ANKRD44: variants seen among roughly 807,000 people sequenced by gnomAD.
ANKRD44 encodes the protein serine/threonine-protein phosphatase 6 regulatory ankyrin repeat subunit B.
In ANKRD44, 35 loss-of-function variants were observed where a neutral mutation model predicts 116.0. The observed-to-expected ratio is 0.30, with a 90% CI of 0.23 to 0.40. The LOEUF is 0.40. Ranked by LOEUF, ANKRD44 falls within the 10% of genes least tolerant of loss-of-function variation. The probability of loss-of-function intolerance (pLI) is 1.00; values close to 1 mark genes in which losing one functional copy is unlikely to be tolerated. For synonymous variants in ANKRD44, 435 were observed against 461.8 expected (o/e 0.94, Z 0.74); for missense variants, 1,014 against 1,242.6 (o/e 0.82, Z 2.77).
intron 1 of ANKRD44, among the ~76,000 whole-genome samples, chr2:197,222,824 T>A (rs4850773): frequency 0.4 from 52,707 of 132,252 alleles, 11,271 homozygotes; most frequent in East Asian, 0.62. Context: ...TTATTTATTT[T>A]TTTTTTGAGA....
At chr2:197,178,723 C>T (rs961968282) in intron 2 of ANKRD44, among the ~76,000 whole-genome samples, 7 of 152,126 alleles carry the variant, frequency 4.6e-5, no homozygotes, top group Non-Finnish European at 8.8e-5. Flanking sequence ...AAAGTCCTTC[C>T]CCATACCAAG....
At chr2:197,268,173 G>A (rs1394668333) in intron 1 of ANKRD44, among the ~76,000 whole-genome samples, 1 of 152,238 alleles carries the variant, frequency 6.6e-6, no homozygotes, top group Non-Finnish European at 1.5e-5. Flanking sequence ...GGATACCCCA[G>A]AAGCTGTGGA....
chr2:197,170,190 C>CAAAAAAAAAAAAAAAAAAAAAAAAAAA (rs71012960), intron 2 of ANKRD44, among the ~76,000 whole-genome samples: 2 of 119,752 alleles, frequency 1.7e-5, no homozygotes, highest in Non-Finnish European at 3.4e-5. Context: ...ACCCTGTTTC[C>CAAAAAAAAAAAAAAAAAAAAAAAAAAA]AAAAAAAAAA....
chr2:197,041,058 T>C (rs1559013534), intron 16 of ANKRD44, among the ~76,000 whole-genome samples: 1 of 152,212 alleles, frequency 6.6e-6, no homozygotes, highest in African/African-American at 2.4e-5. Flanking sequence ...GAAATGCCTA[T>C]AAAAGTCTCC....
chr2:197,056,942 T>C lies in ANKRD44; in HGVS notation c.1650+21761A>G, dbSNP rs1342571204. Among the ~76,000 whole-genome samples the C allele has an allele frequency of 2.6e-5, 4 of 152,200 alleles. No individual in the cohort carries two copies. The South Asian group carries it at 8.3e-4, about 31-fold the overall frequency. On this transcript the variant is annotated intron_variant, in intron 16 of 27. Coordinates refer to ENST00000282272, the MANE Select transcript of ANKRD44 (RefSeq NM_001195144.2). ...CCATGTAAGGTAACATATTCACAGG[T>C]TCTAGAGTGTGGACATTATTGGCGG...
At chr2:197,200,697 G>A (rs1039927556) in intron 1 of ANKRD44, among the ~76,000 whole-genome samples, 2 of 152,092 alleles carry the variant, frequency 1.3e-5, no homozygotes, top group Non-Finnish European at 1.5e-5. Context: ...AACAACAGTA[G>A]TCATTTAAGC....
chr2:197,080,525 C>T (rs910644833), intron 15 of ANKRD44, among the ~76,000 whole-genome samples: 2 of 152,226 alleles, frequency 1.3e-5, no homozygotes, highest in Admixed American at 1.3e-4. Flanking sequence ...GGCAAGCTTG[C>T]AGTTCACTGT....
intron 1 of ANKRD44, among the ~76,000 whole-genome samples, chr2:197,298,185 T>A (rs1432534956): frequency 2.0e-5 from 3 of 152,174 alleles, no homozygotes; most frequent in Non-Finnish European, 2.9e-5. Context: ...CTTGTAACTG[T>A]TTGCTGCCTT....
At chr2:197,136,032 G>C (rs72926631) in intron 4 of ANKRD44, 3,172 of 157,912 alleles carry the variant, frequency 0.02, 52 homozygotes, top group Non-Finnish European at 0.032. Context: ...CCACTCCCCT[G>C]CTGTGACCAT....
At chr2:197,141,119 A>T (rs1339549158) in intron 3 of ANKRD44, among the ~76,000 whole-genome samples, 2 of 152,168 alleles carry the variant, frequency 1.3e-5, no homozygotes, top group Non-Finnish European at 1.5e-5. Context: ...CAAAAGGCTG[A>T]GGCAGGAGAA....
In ANKRD44 at chr2:197,074,589, C is replaced by A. The variant is rs375452663; in HGVS notation, c.1650+4114G>T. Reference sequence around the variant, plus strand: ...TGGGCTCAAGCAATCTTCATGCCTCCGCCTCCTGAGTAGCTAGGACTACAG... The same window carrying A: ...TGGGCTCAAGCAATCTTCATGCCTCAGCCTCCTGAGTAGCTAGGACTACAG... On this transcript the variant is annotated intron_variant, in intron 16 of 27. Transcript: ENST00000282272. 1.1e-3 allele frequency among the ~76,000 whole-genome samples: 169 copies of A among 152,210 alleles called. 3 individuals carry two copies. The highest frequency in any genetic ancestry group is 3.7e-3 in the African/African-American group (155 of 41,536).
rs1174289153 is a variant in ANKRD44, at chr2:197,273,975, AAAAAAATATATATATATATATAT to A, written c.27+36580_27+36602del. ...CAACCAACCACAAAAAAAAAAAAAA[AAAAAAATATATATATATATATAT>A]ATATATATATATATATATATATATA... On this transcript the variant is annotated intron_variant, in intron 1 of 27. Coordinates refer to ENST00000282272, the MANE Select transcript of ANKRD44 (RefSeq NM_001195144.2). Among the ~76,000 whole-genome samples the A allele has an allele frequency of 3.5e-4, 19 of 54,476 alleles. 1 individual carries two copies. The highest frequency in any genetic ancestry group is 7.7e-3 in the Middle Eastern group (1 of 130). 35.7% of individuals were successfully genotyped at this position (54,476 alleles called of 152,430 possible).
At chr2:197,149,967 T>C (rs2079600897) in intron 2 of ANKRD44, among the ~76,000 whole-genome samples, 1 of 152,224 alleles carries the variant, frequency 6.6e-6, no homozygotes, top group Non-Finnish European at 1.5e-5. Flanking sequence ...TCTAGCCCAA[T>C]GACATCCTTA....
At chr2:197,272,163 C>A (rs1275570833) in intron 1 of ANKRD44, among the ~76,000 whole-genome samples, 3 of 152,164 alleles carry the variant, frequency 2.0e-5, no homozygotes, top group Admixed American at 6.5e-5. Flanking sequence ...GGCTGGCACC[C>A]CGATCTGGGA....
At chr2:197,168,883 A>G (rs970116999) in intron 2 of ANKRD44, among the ~76,000 whole-genome samples, 2 of 152,128 alleles carry the variant, frequency 1.3e-5, no homozygotes, top group East Asian at 1.9e-4. Flanking sequence ...CTTCAGGCAC[A>G]TCATTTCTGC....
intron 1 of ANKRD44, chr2:197,263,268 T>C (rs2105739875): frequency 3.4e-6 from 2 of 585,598 alleles, no homozygotes; most frequent in East Asian, 7.5e-5. Flanking sequence ...CTTACCTCAC[T>C]TGTCCCTGGC....
At position 197,022,689 on chromosome 2, in the gene ANKRD44, G is replaced by A. The variant is rs982738948; in HGVS notation, c.1722+2507C>T. Among the ~76,000 whole-genome samples, 12 of 152,258 alleles carry A rather than the reference G, an allele frequency of 7.9e-5. No individual in the cohort carries two copies. The Middle Eastern group carries it at 0.01, about 129-fold the overall frequency. On this transcript the variant is annotated intron_variant, in intron 17 of 27. Transcript: ENST00000282272. ...TCTTAAGGTCTCTGTACAAATATGA[G>A]ATTCTATGCTACGTAAAATAGCACC...
At chr2:197,036,806 G>C (rs998980423) in intron 16 of ANKRD44, among the ~76,000 whole-genome samples, 2 of 152,206 alleles carry the variant, frequency 1.3e-5, no homozygotes, top group African/African-American at 2.4e-5. Flanking sequence ...TACCTTGCAA[G>C]AGCCCTAAAA....
chr2:197,246,350 C>CTTGTTTTTT (rs2082190794), intron 1 of ANKRD44, among the ~76,000 whole-genome samples: 1 of 65,876 alleles, frequency 1.5e-5, no homozygotes, highest in Admixed American at 2.5e-4. Context: ...CTACATCTGG[C>CTTGTTTTTT]TTTTTTTTTT....
Sources: gnomAD v4.1 joint callset for allele counts (sites outside exome capture counted in the v4.1 genomes callset) on GRCh38, gnomAD v4.1.1 for gene constraint, MANE v1.5 for transcripts, NCBI Gene and HGNC (gene_info 2026-07-23, HGNC 2026-07-21) for gene names.